The following ZNF222 variants were observed in gnomAD, a reference collection of about 807,000 sequenced individuals.
ZNF222 encodes zinc finger protein 222.
ZNF222 carries 8 observed loss-of-function variants against 11.6 expected under a neutral mutation model. That is an observed-to-expected ratio of 0.69 (90% CI 0.41 to 1.25). The LOEUF is 1.25. ZNF222 is among the 50% of genes most tolerant of loss of function. The pLI, the probability that ZNF222 is intolerant of heterozygous loss-of-function variation, is 0.01. For missense variants in ZNF222, 483 were observed against 576.1 expected (o/e 0.84, Z 1.65); for synonymous variants, 171 against 195.6 (o/e 0.87, Z 1.05).
intron 1 of ZNF222, 39 bp from the exon 2 acceptor site, chr19:44,026,984 T>C (rs1976387737): frequency 6.2e-7 from 1 of 1,612,886 alleles, no homozygotes; most frequent in Non-Finnish European, 8.5e-7. Context: ...CAATAGTCTT[T>C]GGCCGTAAGA....
In ZNF222 at chr19:44,025,523, C is replaced by T. The variant is rs1026399404; in HGVS notation, c.42+45C>T. 4.1e-5 allele frequency: 62 copies of T among 1,523,748 alleles called. No homozygotes were observed. Among genetic ancestry groups the T allele is most frequent in the Middle Eastern group, 3.4e-4 (2 of 5,832 alleles). 94.4% of individuals were successfully genotyped at this position (1,523,748 alleles called of 1,614,324 possible). A position where few individuals can be genotyped will look rare whatever the true frequency, so the allele number is the denominator to read the frequency against. On this transcript the variant is annotated intron_variant, in intron 1 of 3. Transcript: ENST00000391960. This position sits in a 1 kb window ranked among gnomAD's most constrained non-coding sequence, Gnocchi z 4.6. ...GGGATTGCCGTTCCAGTCAGCTGAG[C>T]CTTCTGGCGTCGGGGGGCTCTGCTA...
chr19:44,025,546 C>A lies in ZNF222; in HGVS notation c.42+68C>A. 1.3e-6 allele frequency: 2 copies of A among 1,488,366 alleles called. No homozygotes were observed. Among genetic ancestry groups the A allele is most frequent in the Non-Finnish European group, 9.0e-7 (1 of 1,113,756 alleles). 92.2% of individuals were successfully genotyped at this position (1,488,366 alleles called of 1,614,324 possible). ...AGCCTTCTGGCGTCGGGGGGCTCTG[C>A]TAGGGTCTCAGGGAGTGGGATTGGC... On this transcript the variant is annotated intron_variant, in intron 1 of 3. Transcript: ENST00000391960. This position sits in a 1 kb window ranked among gnomAD's most constrained non-coding sequence, Gnocchi z 4.6.
chr19:44,026,613 T>C (rs1976376228), intron 1 of ZNF222, among the ~76,000 whole-genome samples: 1 of 151,312 alleles, frequency 6.6e-6, no homozygotes, highest in Non-Finnish European at 1.5e-5. Flanking sequence ...AGTGGTGCAA[T>C]CTTGGCTCAC....
At chr19:44,031,394 T>C (rs1389383028) in intron 3 of ZNF222, among the ~76,000 whole-genome samples, 2 of 152,246 alleles carry the variant, frequency 1.3e-5, no homozygotes, top group Non-Finnish European at 2.9e-5. Flanking sequence ...ACATCCTAAG[T>C]GTGAAGTCTT....
chr19:44,032,998 A>G lies in ZNF222; in HGVS notation c.1444A>G (p.Ile482Val), dbSNP rs1196477189. ...CTACAAGAGGCGCTTGAATCTGGAT[A>G]TAATTTTATCATTATTTTTAAATGA... is the stretch of plus-strand genomic sequence containing the variant. Reference protein sequence around the residue: ...KRYKRRLNLDIILSLFLNDI With the variant: ...KRYKRRLNLDVILSLFLNDI The change falls in exon 4 of 4, where the codon ATA becomes GTA. Residue 482 changes from isoleucine (I) to valine (V), a missense_variant. By Grantham distance (29) the Ile-to-Val change is conservative (BLOSUM62 3). Transcript: ENST00000391960. The G allele has an allele frequency of 6.4e-7, 1 of 1,557,564 alleles. No homozygotes were observed. Among genetic ancestry groups the G allele is most frequent in the Admixed American group, 2.2e-5 (1 of 45,692 alleles).
chr19:44,026,209 A>C, intron 1 of ZNF222: 1 of 971,008 alleles, frequency 1.0e-6, no homozygotes, highest in South Asian at 1.5e-5. Flanking sequence ...CTTTATTCCA[A>C]GTACTTTATA....
At chr19:44,026,985 G>A in intron 1 of ZNF222, 38 bp from the exon 2 acceptor site, 1 of 1,612,862 alleles carries the variant, frequency 6.2e-7, no homozygotes, top group South Asian at 1.1e-5. Flanking sequence ...AATAGTCTTT[G>A]GCCGTAAGAT....
intron 3 of ZNF222, 132 bp from the exon 4 acceptor site, chr19:44,031,685 G>T: frequency 2.0e-6 from 2 of 976,822 alleles, no homozygotes; most frequent in Non-Finnish European, 3.1e-6. Context: ...GCATCACCAT[G>T]TTGGCCAGGA....
chr19:44,030,136 A>G (rs1976470781), intron 3 of ZNF222, among the ~76,000 whole-genome samples: 1 of 152,146 alleles, frequency 6.6e-6, no homozygotes, highest in South Asian at 2.1e-4. Flanking sequence ...AACAACTTTG[A>G]TTGTCTGATC....
Position 44,032,758 on chromosome 19 carries a change from A to T in ZNF222, c.1204A>T (p.Thr402Ser). The change falls in exon 4 of 4, where the codon ACC becomes TCC. Residue 402 changes from threonine to serine, a missense_variant. Coordinates refer to ENST00000391960, the MANE Select transcript of ZNF222 (RefSeq NM_001129996.2). ...GTCAGGTCTTGACTTCCACCATAGA[A>T]CCCACACGGGAGAGAGATCTTATAA... is the stretch of plus-strand genomic sequence containing the variant. ...SKSGLDFHHR[T>S]HTGERSYNCD... 6.2e-7 allele frequency: 1 copy of T among 1,614,126 alleles called. No individual in the cohort carries two copies. Among genetic ancestry groups the T allele is most frequent in the Non-Finnish European group, 8.5e-7 (1 of 1,180,016 alleles).
Position 44,027,034 on chromosome 19 carries a change from C to T in ZNF222, c.54C>T (p.Thr18=), listed in dbSNP as rs755112950. 6.8e-6 allele frequency: 11 copies of T among 1,613,918 alleles called. No homozygotes were observed. The highest frequency in any genetic ancestry group is 9.3e-6 in the Non-Finnish European group (11 of 1,179,984). ...GCTTGATGTTGTAGGAGGCAGTGAC[C>T]TTCAAGGATGTGGCTGTGATCTTCA... The part of the protein sequence containing the change: ...KPGRRAEEAV[T]FKDVAVIFTE... Residue 18 remains threonine (T), a synonymous_variant, in exon 2 of 4, where the codon ACC becomes ACT. Coordinates refer to ENST00000391960, the MANE Select transcript of ZNF222 (RefSeq NM_001129996.2).
Position 44,031,726 on chromosome 19 carries a change from C to G in ZNF222, c.263-91C>G, listed in dbSNP as rs969805400. On this transcript the variant is annotated intron_variant, in intron 3 of 3. Transcript: ENST00000391960. ...TCAAACTCCTGACCTCACAGTCCACCCGCCTCGGCCTCCCAAAGTGCTGGG... is the reference window on the plus strand; with the variant it reads ...TCAAACTCCTGACCTCACAGTCCACGCGCCTCGGCCTCCCAAAGTGCTGGG... 3.7e-5 allele frequency: 52 copies of G among 1,417,964 alleles called. No individual in the cohort carries two copies. The African/African-American group carries it at 6.7e-4, about 18-fold the overall frequency. The allele number at this position is 1,417,964 out of a possible 1,614,324, so 87.8% of individuals were successfully genotyped here. A position where few individuals can be genotyped will look rare whatever the true frequency, so the allele number is the denominator to read the frequency against.
Position 44,032,550 on chromosome 19 carries a change from A to C in ZNF222, c.996A>C (p.Arg332Ser), listed in dbSNP as rs1221695446. The C allele has an allele frequency of 1.2e-6, 2 of 1,614,114 alleles. No homozygotes were observed. Among genetic ancestry groups the C allele is most frequent in the Non-Finnish European group, 1.7e-6 (2 of 1,180,052 alleles). ...TGTACAAATCTGAAAAGTATGGAAG[A>C]GGTTTCATTGATAGGCTAGATTTGC... ...EKLYKSEKYG[R>S]GFIDRLDLHK... Residue 332 changes from arginine to serine, a missense_variant, in exon 4 of 4, where the codon AGA becomes AGC. Coordinates refer to ENST00000391960, the MANE Select transcript of ZNF222 (RefSeq NM_001129996.2).
At chr19:44,031,731 TC>T (rs1283156708) in intron 3 of ZNF222, 85 bp from the exon 4 acceptor site, 48 of 1,455,272 alleles carry the variant, frequency 3.3e-5, no homozygotes, top group Non-Finnish European at 4.2e-5. Context: ...TCCACCCGCC[TC>T]GGCCTCCCAA....
chr19:44,032,345 T>C lies in ZNF222; in HGVS notation c.791T>C (p.Met264Thr). The C allele has an allele frequency of 6.2e-7, 1 of 1,614,018 alleles. No individual in the cohort carries two copies. The highest frequency in any genetic ancestry group is 8.5e-7 in the Non-Finnish European group (1 of 1,180,004). ...SALKVHCKLH[M>T]REKPYNCEKC... ...CTTAAAGTTCATTGCAAATTACACA[T>C]GAGAGAGAAACCTTATAATTGTGAG... is the stretch of plus-strand genomic sequence containing the variant. Residue 264 changes from methionine to threonine, a missense_variant, in exon 4 of 4, where the codon ATG becomes ACG. Transcript: ENST00000391960.
chr19:44,032,745 C>T lies in ZNF222; in HGVS notation c.1191C>T (p.Asp397=), dbSNP rs1270646771. 7.4e-6 allele frequency: 12 copies of T among 1,613,960 alleles called. No individual in the cohort carries two copies. Among genetic ancestry groups the T allele is most frequent in the Non-Finnish European group, 1.0e-5 (12 of 1,180,018 alleles). Residue 397 remains aspartate, a synonymous_variant, in exon 4 of 4, where the codon GAC becomes GAT. Transcript: ENST00000391960. Reference sequence around the variant, plus strand: ...GCTACATTAGTAAGTCAGGTCTTGACTTCCACCATAGAACCCACACGGGAG... The same window carrying T: ...GCTACATTAGTAAGTCAGGTCTTGATTTCCACCATAGAACCCACACGGGAG... ...GKGYISKSGL[D]FHHRTHTGER...
intron 1 of ZNF222, chr19:44,026,155 C>G: frequency 6.6e-7 from 1 of 1,513,806 alleles, no homozygotes; most frequent in Admixed American, 1.8e-5. Context: ...TAGGATTTGT[C>G]CCTCGGGCAT....
rs1491128087 is a variant in ZNF222 at position 44,026,556 on chromosome 19, A to ATAT, written c.43-466_43-465insATT. On this transcript the variant is annotated intron_variant, in intron 1 of 3. Coordinates refer to ENST00000391960, the MANE Select transcript of ZNF222 (RefSeq NM_001129996.2). The stretch of plus-strand genomic sequence containing the variant: ...TCTCTCTCTCTCTATATATATATAT[A>ATAT]TTTTTTTTTTTACAGAGTTTCGCTC... 8.3e-3 allele frequency among the ~76,000 whole-genome samples: 850 copies of ATAT among 101,860 alleles called. 18 individuals carry two copies. The highest frequency in any genetic ancestry group is 0.028 in the African/African-American group (798 of 28,680). The allele number at this position is 101,860 out of a possible 152,430, so 66.8% of individuals were successfully genotyped here.
Position 44,032,061 on chromosome 19 carries a change from T to G in ZNF222, c.507T>G (p.Val169=), listed in dbSNP as rs1451790607. The part of the protein sequence containing the change: ...GENCKQFFSD[V]SFFDLPQQLY... ...ATTGTAAACAGTTCTTCAGTGATGT[T>G]TCCTTCTTTGATCTTCCTCAGCAGT... The change falls in exon 4 of 4, where the codon GTT becomes GTG. Residue 169 remains valine (V), a synonymous_variant. Coordinates refer to ENST00000391960, the MANE Select transcript of ZNF222 (RefSeq NM_001129996.2). The G allele has an allele frequency of 6.2e-7, 1 of 1,614,120 alleles. No homozygotes were observed. The highest frequency in any genetic ancestry group is 8.5e-7 in the Non-Finnish European group (1 of 1,180,050).
Sources: gnomAD v4.1 joint callset for allele counts (sites outside exome capture counted in the v4.1 genomes callset) on GRCh38, gnomAD v4.1.1 for gene constraint, Gnocchi (gnomAD v3.1) non-coding constraint, MANE v1.5 for transcripts, NCBI Gene and HGNC (gene_info 2026-07-23, HGNC 2026-07-21) for gene names.